Variants in ATXN7 observed in about 807,000 individuals in gnomAD.
The protein encoded by ATXN7 is ataxin-7.
ATXN7 carries 12 observed loss-of-function variants against 70.5 expected under a neutral mutation model. That is an observed-to-expected ratio of 0.17 (90% CI 0.11 to 0.28). The LOEUF is 0.28. ATXN7 is among the 10% of genes least tolerant of loss of function. The probability of loss-of-function intolerance (pLI) is 1.00; values close to 1 mark genes in which losing one functional copy is unlikely to be tolerated. For synonymous variants in ATXN7, 498 were observed against 448.7 expected, an observed-to-expected ratio of 1.11 and a Z score of -1.39; for missense variants, 1,256 against 1,131.7, an observed-to-expected ratio of 1.11 and a Z score of -1.58.
chr3:63,866,513 C>T (rs930367062), intron 1 of ATXN7, among the ~76,000 whole-genome samples: 1 of 152,208 alleles, frequency 6.6e-6, no homozygotes, highest in African/African-American at 2.4e-5. Flanking sequence ...GCCTCAGCCT[C>T]CCAAAGTGCT....
rs921020215 is a variant in ATXN7 at position 63,961,451 on chromosome 3, C to T, written c.499+8968C>T. On this transcript the variant is annotated intron_variant, in intron 5 of 12. Coordinates refer to ENST00000674280, the MANE Select transcript of ATXN7 (RefSeq NM_001377405.1). ...TCAGTATTTTAGCATATTGATTCTC[C>T]GCATGGAACCTGGTCACAGTGCCCT... Among the ~76,000 whole-genome samples, 88 of 152,244 alleles carry T rather than the reference C, an allele frequency of 5.8e-4. 1 individual carries two copies. The highest frequency in any genetic ancestry group is 1.9e-3 in the African/African-American group (79 of 41,538).
chr3:63,975,705 C>G (rs2075378900), intron 5 of ATXN7, among the ~76,000 whole-genome samples: 1 of 152,128 alleles, frequency 6.6e-6, no homozygotes, highest in Admixed American at 6.6e-5. Flanking sequence ...GAATTATAAG[C>G]TTAGTATTGG....
At chr3:63,886,635 C>G (rs1005705231) in intron 1 of ATXN7, among the ~76,000 whole-genome samples, 4 of 152,136 alleles carry the variant, frequency 2.6e-5, no homozygotes, top group Non-Finnish European at 4.4e-5. Flanking sequence ...TACAGGAACT[C>G]TCTGTATAAT....
At chr3:63,958,523 A>C (rs761168353) in intron 5 of ATXN7, among the ~76,000 whole-genome samples, 14 of 152,224 alleles carry the variant, frequency 9.2e-5, no homozygotes, top group Non-Finnish European at 1.9e-4. Context: ...ATCACAAAGC[A>C]AAGGTTTTAC....
intron 5 of ATXN7, among the ~76,000 whole-genome samples, chr3:63,964,231 T>C (rs2075181570): frequency 6.6e-6 from 1 of 152,182 alleles, no homozygotes; most frequent in South Asian, 2.1e-4. Context: ...TTTAAACAAT[T>C]ATAGGCAGTT....
intron 4 of ATXN7, among the ~76,000 whole-genome samples, chr3:63,939,614 G>A (rs181008178): frequency 1.2e-3 from 187 of 152,300 alleles, no homozygotes; most frequent in Non-Finnish European, 1.9e-3. Context: ...TTAGAATTGT[G>A]CAAATTAACC....
intron 4 of ATXN7, among the ~76,000 whole-genome samples, chr3:63,915,514 A>G (rs1704227024): frequency 6.6e-6 from 1 of 152,190 alleles, no homozygotes; most frequent in Non-Finnish European, 1.5e-5. Flanking sequence ...ATTTAATATT[A>G]TCAAAACTTA....
intron 4 of ATXN7, among the ~76,000 whole-genome samples, chr3:63,926,528 G>C (rs1704722410): frequency 6.6e-6 from 1 of 152,158 alleles, no homozygotes; most frequent in East Asian, 1.9e-4. Flanking sequence ...CCAGTGTGGA[G>C]AGAATGCTGT....
intron 4 of ATXN7, among the ~76,000 whole-genome samples, chr3:63,952,169 A>C (rs1266280545): frequency 6.6e-6 from 1 of 152,212 alleles, no homozygotes; most frequent in Admixed American, 6.5e-5. Flanking sequence ...TCACCACATC[A>C]TAATTATTTT....
chr3:63,966,034 G>T (rs2075216840), intron 5 of ATXN7, among the ~76,000 whole-genome samples: 1 of 152,174 alleles, frequency 6.6e-6, no homozygotes, highest in African/African-American at 2.4e-5. Flanking sequence ...GTTTTTTACA[G>T]GGTTGCAGAA....
chr3:63,910,191 G>A (rs1265884313), intron 2 of ATXN7, among the ~76,000 whole-genome samples: 1 of 152,190 alleles, frequency 6.6e-6, no homozygotes, highest in East Asian at 1.9e-4. Flanking sequence ...AGTGAATCTT[G>A]AAGTAGTTTC....
chr3:63,947,041 G>T (rs911749187), intron 4 of ATXN7, among the ~76,000 whole-genome samples: 2 of 152,184 alleles, frequency 1.3e-5, no homozygotes, highest in Admixed American at 6.5e-5. Context: ...GGGGTGTTAT[G>T]AGTCTAGCAG....
intron 4 of ATXN7, among the ~76,000 whole-genome samples, chr3:63,946,630 G>A (rs1217526610): frequency 1.4e-5 from 2 of 146,174 alleles, no homozygotes; most frequent in South Asian, 2.2e-4. Flanking sequence ...GCGACAGAGC[G>A]AGACTCTGTC....
intron 5 of ATXN7, among the ~76,000 whole-genome samples, chr3:63,955,835 C>T (rs2106672266): frequency 2.0e-5 from 3 of 152,278 alleles, no homozygotes; most frequent in Admixed American, 2.0e-4. Flanking sequence ...ATGAATAGTT[C>T]CTACCAACTC....
intron 1 of ATXN7, among the ~76,000 whole-genome samples, chr3:63,869,916 A>G (rs1427666829): frequency 1.3e-5 from 2 of 152,090 alleles, no homozygotes; most frequent in Admixed American, 1.3e-4. Context: ...TGCATTCTCT[A>G]TTGGCCTGGC....
chr3:63,989,240 T>G (rs1398343070), intron 9 of ATXN7, among the ~76,000 whole-genome samples: 1 of 152,196 alleles, frequency 6.6e-6, no homozygotes, highest in South Asian at 2.1e-4. Flanking sequence ...GGCCAGAGAT[T>G]TCCTCCCCAA....
intron 11 of ATXN7, among the ~76,000 whole-genome samples, chr3:63,992,312 A>G (rs1349277691): frequency 6.6e-6 from 1 of 152,212 alleles, no homozygotes; most frequent in African/African-American, 2.4e-5. Flanking sequence ...TTGCTGGATA[A>G]GAGGTTCTTC....
intron 8 of ATXN7, among the ~76,000 whole-genome samples, chr3:63,986,797 G>A (rs985487754): frequency 3.9e-5 from 6 of 152,152 alleles, no homozygotes; most frequent in African/African-American, 1.4e-4. Flanking sequence ...TTATTCAACC[G>A]AAAATGGTAG....
intron 4 of ATXN7, among the ~76,000 whole-genome samples, chr3:63,919,281 A>G (rs990535321): frequency 2.6e-5 from 4 of 152,190 alleles, no homozygotes; most frequent in Non-Finnish European, 5.9e-5. Flanking sequence ...GACTACACAC[A>G]ACAGAGACCA....
Sources: allele counts gnomAD v4.1 joint callset (sites outside exome capture counted in the v4.1 genomes callset), GRCh38; gene constraint gnomAD v4.1.1; transcripts MANE v1.5; gene names NCBI Gene and HGNC (gene_info 2026-07-23, HGNC 2026-07-21).